The following SIPA1L1 variants were observed in gnomAD, a reference collection of about 807,000 sequenced individuals.
SIPA1L1 encodes signal induced proliferation associated 1 like 1, also known as signal-induced proliferation-associated 1-like protein 1.
Under a neutral mutation model 162.7 loss-of-function variants are expected in SIPA1L1, and 26 were observed. The observed-to-expected ratio is 0.16, with a 90% CI of 0.12 to 0.22. SIPA1L1 has a LOEUF of 0.22. SIPA1L1 is among the 10% of genes least tolerant of loss of function. The pLI is 1.00. For synonymous variants in SIPA1L1, 829 were observed against 837.4 expected, an observed-to-expected ratio of 0.99 and a Z score of 0.17; for missense variants, 1,874 against 2,241.0, an observed-to-expected ratio of 0.84 and a Z score of 3.31.
chr14:71,322,884 G>A (rs1478819581), intron 2 of SIPA1L1, among the ~76,000 whole-genome samples: 1 of 152,182 alleles, frequency 6.6e-6, no homozygotes, highest in Non-Finnish European at 1.5e-5. Flanking sequence ...TCTGCTCCTC[G>A]AGTTTGAAAT....
In SIPA1L1 at chr14:71,637,239, A is replaced by G. The variant is rs114519926; in HGVS notation, c.1818+13003A>G. Among the ~76,000 whole-genome samples the G allele has an allele frequency of 5.6e-3, 849 of 152,214 alleles. 8 individuals are homozygous for G. The highest frequency in any genetic ancestry group is 0.019 in the African/African-American group (802 of 41,508). ...AAAACAGACAATACAAATCTTGTCA[A>G]CACGGTAGTCCCTCAGTATTCATGG... On this transcript the variant is annotated intron_variant, in intron 7 of 23. Transcript: ENST00000381232.
At chr14:71,456,576 A>G (rs561732174) in intron 2 of SIPA1L1, among the ~76,000 whole-genome samples, 1 of 152,290 alleles carries the variant, frequency 6.6e-6, no homozygotes, top group Non-Finnish European at 1.5e-5. Context: ...ATTAATAATT[A>G]TTGGCAACTC....
chr14:71,728,362 C>G (rs1305299149), intron 19 of SIPA1L1, among the ~76,000 whole-genome samples: 1 of 152,230 alleles, frequency 6.6e-6, no homozygotes, highest in African/African-American at 2.4e-5. Context: ...AGTTCTCTCT[C>G]TCAAAGCATT....
chr14:71,560,778 G>A (rs2146580932), intron 4 of SIPA1L1, among the ~76,000 whole-genome samples: 1 of 152,310 alleles, frequency 6.6e-6, no homozygotes, highest in East Asian at 1.9e-4. Flanking sequence ...CTGCTGGAGT[G>A]AGGACAGTAT....
intron 5 of SIPA1L1, among the ~76,000 whole-genome samples, chr14:71,591,822 A>C (rs921251935): frequency 6.6e-6 from 1 of 152,220 alleles, no homozygotes; most frequent in Non-Finnish European, 1.5e-5. Flanking sequence ...CTTAGATTTC[A>C]TAAATTTTTT....
At chr14:71,733,846 G>T in intron 21 of SIPA1L1, 34 bp downstream of exon 21, 1 of 1,602,842 alleles carries the variant, frequency 6.2e-7, no homozygotes. Flanking sequence ...GACAGCCCAG[G>T]ATCCTGCAGC....
At chr14:71,474,267 G>A (rs868423421) in intron 2 of SIPA1L1, among the ~76,000 whole-genome samples, 11 of 152,210 alleles carry the variant, frequency 7.2e-5, no homozygotes, top group South Asian at 4.1e-4. Flanking sequence ...TAGCTGGAAA[G>A]TGAATTTTGT....
intron 5 of SIPA1L1, among the ~76,000 whole-genome samples, chr14:71,611,874 G>A (rs1276663649): frequency 6.6e-6 from 1 of 152,176 alleles, no homozygotes; most frequent in Non-Finnish European, 1.5e-5. Flanking sequence ...ATGTGTGCAT[G>A]TGTATGTCTA....
intron 2 of SIPA1L1, among the ~76,000 whole-genome samples, chr14:71,323,040 T>C (rs777818705): frequency 1.3e-5 from 2 of 152,256 alleles, no homozygotes; most frequent in African/African-American, 4.8e-5. Flanking sequence ...CTGAGATTCA[T>C]TTAACTCTTC....
At chr14:71,383,255 T>C (rs1041172194) in intron 2 of SIPA1L1, among the ~76,000 whole-genome samples, 1 of 152,232 alleles carries the variant, frequency 6.6e-6, no homozygotes, top group Non-Finnish European at 1.5e-5. Flanking sequence ...AAATTGAGGT[T>C]AAGAAACTTG....
intron 5 of SIPA1L1, among the ~76,000 whole-genome samples, chr14:71,617,454 T>C (rs1197019727): frequency 6.6e-6 from 1 of 152,238 alleles, no homozygotes; most frequent in African/African-American, 2.4e-5. Context: ...ATTTCTTATA[T>C]ATGAGATGTT....
At chr14:71,630,737 G>A (rs1357028073) in intron 7 of SIPA1L1, among the ~76,000 whole-genome samples, 1 of 151,866 alleles carries the variant, frequency 6.6e-6, no homozygotes, top group Admixed American at 6.6e-5. Flanking sequence ...CCCCTGCCTT[G>A]TAGTTAATCA....
chr14:71,327,934 C>T (rs2034029542), intron 2 of SIPA1L1, among the ~76,000 whole-genome samples: 1 of 152,180 alleles, frequency 6.6e-6, no homozygotes, highest in African/African-American at 2.4e-5. Flanking sequence ...GCAGATTTGA[C>T]TCCTAGCTCA....
At chr14:71,665,362 A>G (rs2043900464) in intron 10 of SIPA1L1, among the ~76,000 whole-genome samples, 1 of 152,186 alleles carries the variant, frequency 6.6e-6, no homozygotes, top group Admixed American at 6.5e-5. Flanking sequence ...AATTCAGACT[A>G]ATTCCAGAGG....
intron 4 of SIPA1L1, among the ~76,000 whole-genome samples, chr14:71,560,859 A>G (rs909541519): frequency 2.0e-5 from 3 of 151,802 alleles, no homozygotes; most frequent in Non-Finnish European, 4.4e-5. Flanking sequence ...TAAATTAGGG[A>G]TTTTTTTTCA....
At chr14:71,738,003 A>G (rs763805865) in intron 22 of SIPA1L1, among the ~76,000 whole-genome samples, 3 of 152,220 alleles carry the variant, frequency 2.0e-5, no homozygotes, top group Non-Finnish European at 4.4e-5. Context: ...AGGATGCAGC[A>G]TCTTTAACAA....
At chr14:71,375,642 G>A (rs1389544129) in intron 2 of SIPA1L1, among the ~76,000 whole-genome samples, 1 of 151,966 alleles carries the variant, frequency 6.6e-6, no homozygotes, top group Non-Finnish European at 1.5e-5. Context: ...AAGCATTCTT[G>A]CTTTACTCTT....
At chr14:71,368,175 T>C (rs1400441368) in intron 2 of SIPA1L1, among the ~76,000 whole-genome samples, 7 of 146,844 alleles carry the variant, frequency 4.8e-5, no homozygotes, top group Non-Finnish European at 9.0e-5. Flanking sequence ...TTTTTTTTAT[T>C]ATACTTTAAG....
intron 3 of SIPA1L1, among the ~76,000 whole-genome samples, chr14:71,518,953 A>T (rs78279424): frequency 0.18 from 28,057 of 152,108 alleles, 3,094 homozygotes; most frequent in Middle Eastern, 0.37. Flanking sequence ...AAACCCCTGA[A>T]AAACCCATCA....
Sources: gnomAD v4.1 joint callset for allele counts (sites outside exome capture counted in the v4.1 genomes callset) on GRCh38, gnomAD v4.1.1 for gene constraint, MANE v1.5 for transcripts, NCBI Gene and HGNC (gene_info 2026-07-23, HGNC 2026-07-21) for gene names.